Variants in ADGRV1 observed in about 807,000 individuals in gnomAD.
ADGRV1 encodes the protein G-protein coupled receptor 98.
In ADGRV1, 359 loss-of-function variants were observed where a neutral mutation model predicts 596.2. That is an observed-to-expected ratio of 0.60 (90% CI 0.55 to 0.66). The LOEUF (loss-of-function observed/expected upper bound fraction) is 0.66. Ranked by LOEUF, ADGRV1 falls within the 30% of genes least tolerant of loss-of-function variation. ADGRV1 has a pLI of 0.00. For synonymous variants in ADGRV1, 2,681 were observed against 2,679.2 expected, an observed-to-expected ratio of 1.00 and a Z score of -0.02; for missense variants, 7,274 against 7,575.6, an observed-to-expected ratio of 0.96 and a Z score of 1.48.
At chr5:90,959,320 C>T (rs1777767997) in intron 83 of ADGRV1, among the ~76,000 whole-genome samples, 1 of 151,202 alleles carries the variant, frequency 6.6e-6, no homozygotes, top group African/African-American at 2.4e-5. Context: ...TGGACAACTA[C>T]AAAACACTGC....
intron 83 of ADGRV1, among the ~76,000 whole-genome samples, chr5:90,893,801 T>G (rs1230841309): frequency 6.6e-6 from 1 of 152,196 alleles, no homozygotes; most frequent in Non-Finnish European, 1.5e-5. Context: ...GATTAGCTAA[T>G]TCAATATTTA....
intron 23 of ADGRV1, chr5:90,674,561 G>T (rs979855655): frequency 2.9e-5 from 5 of 174,498 alleles, no homozygotes; most frequent in Non-Finnish European, 3.6e-5. Context: ...CTAAGTAATT[G>T]AAATACTTTG....
rs749418353 is a variant in ADGRV1, at chr5:90,791,244, G to A, written c.14415G>A (p.Ser4805=). 6.6e-5 allele frequency: 107 copies of A among 1,612,312 alleles called. 1 individual carries two copies. Among genetic ancestry groups the A allele is most frequent in the Middle Eastern group, 3.3e-4 (2 of 6,082 alleles). ...GDVAVGLRIS[S]DHKEQPIVTE... Reference sequence around the variant, plus strand: ...TGGCTGTTGGGCTTCGAATATCATCGGATCATAAAGAACAGCCGATTGTTA... The same window carrying A: ...TGGCTGTTGGGCTTCGAATATCATCAGATCATAAAGAACAGCCGATTGTTA... Residue 4805 remains serine, a synonymous_variant, in exon 70 of 90, where the codon TCG becomes TCA. Transcript: ENST00000405460.
At chr5:90,604,911 A>T (rs993951477) in intron 1 of ADGRV1, among the ~76,000 whole-genome samples, 2 of 152,224 alleles carry the variant, frequency 1.3e-5, no homozygotes, top group Admixed American at 1.3e-4. Context: ...GAGAGAAAGC[A>T]CAATTGAAAC....
At position 90,674,203 on chromosome 5, in the gene ADGRV1, T is replaced by TATC; in HGVS notation, c.5081_5083dup (p.Ile1694dup). 5.0e-6 allele frequency: 8 copies of TATC among 1,610,976 alleles called. No homozygotes were observed. The highest frequency in any genetic ancestry group is 6.8e-6 in the Non-Finnish European group (8 of 1,178,786). On this transcript the variant is annotated inframe_insertion, in exon 23 of 90. Coordinates refer to ENST00000405460, the MANE Select transcript of ADGRV1 (RefSeq NM_032119.4). ...TAGATCCTGAAAAGGAAACGACTGA[T>TATC]ATCACCATCAAAGCTAGTGATCATC...
intron 1 of ADGRV1, among the ~76,000 whole-genome samples, chr5:90,595,338 G>A (rs1760214381): frequency 1.5e-5 from 1 of 67,572 alleles, no homozygotes; most frequent in Non-Finnish European, 2.9e-5. Context: ...CGGGCGGGGG[G>A]CTGACCCCCC....
At chr5:91,119,894 G>A (rs1218341596) in intron 87 of ADGRV1, among the ~76,000 whole-genome samples, 2 of 152,212 alleles carry the variant, frequency 1.3e-5, no homozygotes, top group African/African-American at 4.8e-5. Context: ...AGCAGAGACT[G>A]CAGCACTTTG....
At chr5:90,970,667 A>G (rs565527195) in intron 84 of ADGRV1, among the ~76,000 whole-genome samples, 3 of 152,286 alleles carry the variant, frequency 2.0e-5, no homozygotes, top group African/African-American at 7.2e-5. Flanking sequence ...AGGAAAACTG[A>G]CAAATAGAAA....
intron 76 of ADGRV1, among the ~76,000 whole-genome samples, chr5:90,826,663 A>C (rs1174610115): frequency 1.3e-5 from 2 of 151,938 alleles, no homozygotes; most frequent in Non-Finnish European, 2.9e-5. Context: ...GAGGGAATGC[A>C]ATGACTTGAG....
intron 20 of ADGRV1, chr5:90,655,182 C>T (rs1769227110): frequency 6.6e-6 from 1 of 152,126 alleles, no homozygotes; most frequent in South Asian, 2.1e-4. Context: ...TCCAGAAGCC[C>T]CCTTTGACTC....
At chr5:90,746,955 G>A (rs933472826) in intron 52 of ADGRV1, among the ~76,000 whole-genome samples, 13 of 152,148 alleles carry the variant, frequency 8.5e-5, no homozygotes, top group South Asian at 2.1e-4. Context: ...GAGGGCAAGG[G>A]GAGAAAGGCA....
chr5:91,061,964 T>G (rs1476829142), intron 85 of ADGRV1, among the ~76,000 whole-genome samples: 1 of 152,182 alleles, frequency 6.6e-6, no homozygotes, highest in Admixed American at 6.5e-5. Context: ...AAGAGTTATT[T>G]CAAGTTGAAG....
chr5:90,895,818 TAAGC>T (rs1004007638), intron 83 of ADGRV1, among the ~76,000 whole-genome samples: 27 of 152,322 alleles, frequency 1.8e-4, no homozygotes, highest in African/African-American at 6.3e-4. Flanking sequence ...GAGACATCTG[TAAGC>T]AAGCAGTCAG....
At chr5:91,132,253 T>C (rs1794281727) in intron 87 of ADGRV1, among the ~76,000 whole-genome samples, 1 of 152,230 alleles carries the variant, frequency 6.6e-6, no homozygotes, top group Non-Finnish European at 1.5e-5. Flanking sequence ...TTTAACTATT[T>C]ATATTAAAAA....
chr5:91,102,461 C>A, intron 87 of ADGRV1, 121 bp downstream of exon 87: 1 of 727,850 alleles, frequency 1.4e-6, no homozygotes, highest in Non-Finnish European at 2.0e-6. Flanking sequence ...ATAATAACAT[C>A]ATATAGAGTT....
chr5:91,158,876 GAT>G (rs1796702626), intron 89 of ADGRV1, among the ~76,000 whole-genome samples: 1 of 151,928 alleles, frequency 6.6e-6, no homozygotes, highest in Non-Finnish European at 1.5e-5. Context: ...TGGATGGATG[GAT>G]GGATGGATGG....
intron 86 of ADGRV1, among the ~76,000 whole-genome samples, chr5:91,092,458 A>C (rs766632148): frequency 1.2e-4 from 18 of 152,178 alleles, no homozygotes; most frequent in Admixed American, 5.2e-4. Context: ...TGAATGTGAT[A>C]GAACTTCAGG....
intron 85 of ADGRV1, among the ~76,000 whole-genome samples, chr5:90,996,415 G>T (rs545811184): frequency 1.1e-3 from 174 of 152,330 alleles, no homozygotes; most frequent in African/African-American, 4.0e-3. Context: ...CTTCCACGTG[G>T]TATTAAGCCT....
At chr5:90,724,759 T>A (rs989045309) in intron 45 of ADGRV1, 73 bp from the exon 46 acceptor site, 1 of 1,374,026 alleles carries the variant, frequency 7.3e-7, no homozygotes, top group Non-Finnish European at 1.0e-6. Context: ...GTCTCATTGT[T>A]TAAACAATAA....
Sources: gnomAD v4.1 joint callset for allele counts (sites outside exome capture counted in the v4.1 genomes callset) on GRCh38, gnomAD v4.1.1 for gene constraint, MANE v1.5 for transcripts, NCBI Gene and HGNC (gene_info 2026-07-23, HGNC 2026-07-21) for gene names.